Variants in CHD6 observed in about 807,000 individuals in gnomAD.
The protein encoded by CHD6 is chromodomain helicase DNA binding protein 6, also known as ATP-dependent chromatin remodeler CHD6.
A neutral mutation model predicts 276.9 loss-of-function variants in CHD6; 50 were observed. The observed-to-expected ratio is 0.18, with a 90% CI of 0.14 to 0.23. The LOEUF (loss-of-function observed/expected upper bound fraction) is 0.23. Ranked by LOEUF, CHD6 falls within the 10% of genes least tolerant of loss-of-function variation. The pLI is 1.00. For missense variants in CHD6, 2,564 were observed against 3,365.8 expected (o/e 0.76, Z 5.89); for synonymous variants, 1,173 against 1,229.3 (o/e 0.95, Z 0.96).
At chr20:41,451,742 G>C (rs2048246466) in intron 22 of CHD6, 84 bp downstream of exon 22, 1 of 1,214,374 alleles carries the variant, frequency 8.2e-7, no homozygotes, top group Middle Eastern at 1.9e-4. Flanking sequence ...GTCCCCCAAA[G>C]CACAGCAATA....
chr20:41,439,913 A>G, intron 26 of CHD6, 87 bp downstream of exon 26: 1 of 1,362,886 alleles, frequency 7.3e-7, no homozygotes, highest in Non-Finnish European at 1.0e-6. Context: ...GCTGAGGAAG[A>G]GATAAAGAGT....
intron 27 of CHD6, among the ~76,000 whole-genome samples, chr20:41,435,602 TCAAA>T (rs2047681486): frequency 1.4e-5 from 1 of 70,312 alleles, no homozygotes. Context: ...AGACCCTGAG[TCAAA>T]AAAAAAAAAA....
At chr20:41,600,729 A>G (rs1236889150) in intron 1 of CHD6, among the ~76,000 whole-genome samples, 1 of 152,198 alleles carries the variant, frequency 6.6e-6, no homozygotes, top group Non-Finnish European at 1.5e-5. Context: ...CTATTTTCAT[A>G]TAAGGGAAGA....
At chr20:41,562,901 C>T (rs1433822398) in intron 1 of CHD6, among the ~76,000 whole-genome samples, 1 of 152,140 alleles carries the variant, frequency 6.6e-6, no homozygotes, top group African/African-American at 2.4e-5. Flanking sequence ...TCCATCTCTC[C>T]AAAAATGTGA....
chr20:41,441,896 A>G (rs1305730536), intron 25 of CHD6, among the ~76,000 whole-genome samples: 3 of 152,226 alleles, frequency 2.0e-5, no homozygotes, highest in African/African-American at 4.8e-5. Flanking sequence ...TATCAACAGA[A>G]ATACTAAAGT....
At chr20:41,493,401 T>C in intron 10 of CHD6, 137 bp downstream of exon 10, 1 of 850,096 alleles carries the variant, frequency 1.2e-6, no homozygotes, top group Non-Finnish European at 1.8e-6. Flanking sequence ...AACACTGAAT[T>C]GAGGGTTCAA....
At position 41,457,440 on chromosome 20, in the gene CHD6, A is replaced by G. The variant is rs563818772; in HGVS notation, c.2665-12T>C. The G allele has an allele frequency of 6.2e-6, 10 of 1,606,098 alleles. No individual in the cohort carries two copies. In the Admixed American group the frequency reaches 1.2e-4, roughly 19 times the overall value. On this transcript the variant is annotated splice_polypyrimidine_tract_variant and intron_variant, in intron 17 of 36. Coordinates refer to ENST00000373233, the MANE Select transcript of CHD6 (RefSeq NM_032221.5). ...CATCGGGCCTGAGCCTGGGAAGAAG[A>G]AGAGTCATATGCATCACGTCACCGT...
intron 25 of CHD6, among the ~76,000 whole-genome samples, chr20:41,445,195 T>A (rs1476312603): frequency 6.6e-6 from 1 of 152,260 alleles, no homozygotes; most frequent in African/African-American, 2.4e-5. Context: ...TGCTATCTTC[T>A]ATGCTTAGTT....
Position 41,415,564 on chromosome 20 carries a change from C to G in CHD6, c.6561G>C (p.Arg2187Ser). ...GCTCCAGGCCCCGAGCCTTTGCATC[C>G]CTCTCCACCTCAAACTCATAGGGAC... ...HRRPYEFEVE[R>S]DAKARGLEQF... Residue 2187 changes from arginine to serine, a missense_variant, in exon 34 of 37, where the codon AGG (arginine) becomes AGC (serine). Arg to Ser is a moderately radical substitution (Grantham distance 110, BLOSUM62 -1). Around this residue, in one of 7 missense-constraint regions of CHD6, gnomAD observed 1,024 missense variants for 1,047.9 expected, o/e 0.98. Coordinates refer to ENST00000373233, the MANE Select transcript of CHD6 (RefSeq NM_032221.5). 1 of 1,613,958 alleles carries G rather than the reference C, an allele frequency of 6.2e-7. No individual in the cohort carries two copies. Among genetic ancestry groups the G allele is most frequent in the Non-Finnish European group, 8.5e-7 (1 of 1,179,972 alleles).
chr20:41,460,372 T>C (rs1371407137), intron 17 of CHD6, among the ~76,000 whole-genome samples: 1 of 152,224 alleles, frequency 6.6e-6, no homozygotes, highest in Non-Finnish European at 1.5e-5. Flanking sequence ...CCCAAGAGCA[T>C]GTGGAAAGTC....
At chr20:41,551,080 G>A (rs577489682) in intron 2 of CHD6, among the ~76,000 whole-genome samples, 9 of 152,258 alleles carry the variant, frequency 5.9e-5, no homozygotes, top group African/African-American at 2.2e-4. Flanking sequence ...ATAATATTCT[G>A]ATATACAGTT....
chr20:41,515,658 AGTT>A (rs2044232065), intron 3 of CHD6, among the ~76,000 whole-genome samples: 1 of 152,234 alleles, frequency 6.6e-6, no homozygotes, highest in African/African-American at 2.4e-5. Context: ...CACCAGAATT[AGTT>A]GTTAACTACA....
At chr20:41,616,220 C>T (rs2045933425) in intron 1 of CHD6, among the ~76,000 whole-genome samples, 1 of 151,976 alleles carries the variant, frequency 6.6e-6, no homozygotes, top group African/African-American at 2.4e-5. Context: ...AGAACTTCCC[C>T]AACTACATGA....
intron 14 of CHD6, chr20:41,486,133 G>A (rs535678420): frequency 3.9e-5 from 6 of 152,114 alleles, no homozygotes; most frequent in Admixed American, 2.6e-4. Context: ...TACTATATAA[G>A]AACCTAAAGA....
chr20:41,431,061 C>G (rs560734715), intron 27 of CHD6, among the ~76,000 whole-genome samples: 1 of 152,186 alleles, frequency 6.6e-6, no homozygotes, highest in Non-Finnish European at 1.5e-5. Context: ...TCTCGAACTT[C>G]TGACCTCGTG....
chr20:41,450,880 G>T, intron 23 of CHD6, 66 bp downstream of exon 23: 4 of 1,440,898 alleles, frequency 2.8e-6, no homozygotes, highest in Non-Finnish European at 3.8e-6. Context: ...CTCCCTGTGG[G>T]GTTCCCAGGA....
At chr20:41,515,835 A>G (rs1489749218) in intron 3 of CHD6, among the ~76,000 whole-genome samples, 4 of 152,208 alleles carry the variant, frequency 2.6e-5, no homozygotes, top group African/African-American at 9.6e-5. Flanking sequence ...TATGTTTTGT[A>G]TTCCTCAGAG....
rs554582598 is a variant in CHD6 at position 41,586,609 on chromosome 20, A to G, written c.-24+31731T>C. Among the ~76,000 whole-genome samples, 21 of 152,332 alleles carry G rather than the reference A, an allele frequency of 1.4e-4. 1 individual carries two copies. In the South Asian group the frequency reaches 4.4e-3, roughly 32 times the overall value. On this transcript the variant is annotated intron_variant, in intron 1 of 36. Coordinates refer to ENST00000373233, the MANE Select transcript of CHD6 (RefSeq NM_032221.5). Reference sequence around the variant, plus strand: ...ACCATCTTGGGAGCTCTAAGAACAAAGACCTGCTGGTAACAATAATACATC... The same window carrying G: ...ACCATCTTGGGAGCTCTAAGAACAAGGACCTGCTGGTAACAATAATACATC...
intron 23 of CHD6, among the ~76,000 whole-genome samples, chr20:41,450,697 C>T (rs1312732650): frequency 6.6e-6 from 1 of 152,128 alleles, no homozygotes; most frequent in East Asian, 1.9e-4. Context: ...TAGAAAAATC[C>T]TCAGGGGTAT....
Sources: allele counts gnomAD v4.1 joint callset (sites outside exome capture counted in the v4.1 genomes callset), GRCh38; gene constraint gnomAD v4.1.1; regional missense constraint gnomAD v4.1.1; transcripts MANE v1.5; gene names NCBI Gene and HGNC (gene_info 2026-07-23, HGNC 2026-07-21).